The following SCAF8 variants were observed in gnomAD, a reference collection of about 807,000 sequenced individuals.
SCAF8 encodes the protein SR-related CTD associated factor 8, also known as SR-related and CTD-associated factor 8.
In SCAF8, 23 loss-of-function variants were observed where a neutral mutation model predicts 140.5. That is an observed-to-expected ratio of 0.16 (90% CI 0.12 to 0.23). The LOEUF (loss-of-function observed/expected upper bound fraction) is 0.23. SCAF8 is among the 10% of genes least tolerant of loss of function. The pLI, the probability that SCAF8 is intolerant of heterozygous loss-of-function variation, is 1.00. For missense variants in SCAF8, 1,397 were observed against 1,555.7 expected, an observed-to-expected ratio of 0.90 and a Z score of 1.72; for synonymous variants, 575 against 528.9, an observed-to-expected ratio of 1.09 and a Z score of -1.20.
At chr6:154,750,421 C>T (rs1365014194) in intron 1 of SCAF8, among the ~76,000 whole-genome samples, 1 of 151,594 alleles carries the variant, frequency 6.6e-6, no homozygotes, top group Non-Finnish European at 1.5e-5. Flanking sequence ...AGAGGAAGAT[C>T]TTGTAGAATC....
chr6:154,791,647 T>TA (rs34590469), intron 4 of SCAF8, among the ~76,000 whole-genome samples: 35,154 of 151,812 alleles, frequency 0.23, 4,658 homozygotes, highest in East Asian at 0.64. Context: ...TTTGTTTTTT[T>TA]AAAAAATGTG....
chr6:154,795,386 A>G (rs754407401), intron 6 of SCAF8, among the ~76,000 whole-genome samples: 27 of 152,126 alleles, frequency 1.8e-4, no homozygotes, highest in Non-Finnish European at 2.4e-4. Flanking sequence ...AGTTTTGCCA[A>G]ATATTATTAG....
chr6:154,767,529 C>T (rs1335112122), intron 1 of SCAF8, among the ~76,000 whole-genome samples: 30 of 91,018 alleles, frequency 3.3e-4, no homozygotes, highest in African/African-American at 1.1e-3. Flanking sequence ...CTTCTGTTAT[C>T]TTTTTTTTTT....
intron 1 of SCAF8, among the ~76,000 whole-genome samples, chr6:154,757,484 T>C (rs1171060552): frequency 1.3e-5 from 2 of 152,250 alleles, no homozygotes; most frequent in Non-Finnish European, 2.9e-5. Context: ...GTGAGAAAGC[T>C]GGATAAACTG....
At chr6:154,813,353 C>T (rs1778151970) in intron 12 of SCAF8, among the ~76,000 whole-genome samples, 1 of 152,126 alleles carries the variant, frequency 6.6e-6, no homozygotes, top group South Asian at 2.1e-4. Flanking sequence ...AAAACCATGT[C>T]TGTACTAAAA....
intron 3 of SCAF8, among the ~76,000 whole-genome samples, chr6:154,778,860 A>G (rs1776995857): frequency 6.6e-6 from 1 of 151,990 alleles, no homozygotes; most frequent in Admixed American, 6.6e-5. Flanking sequence ...TGAAGCTAAG[A>G]TAAAGGGTTG....
Position 154,833,397 on chromosome 6 carries a change from C to A in SCAF8, c.*2C>A. On this transcript the variant is annotated 3_prime_UTR_variant, in exon 20 of 20. Transcript: ENST00000367178. The stretch of plus-strand genomic sequence containing the variant: ...AGCACAGAAACTGAGGGGACATAAT[C>A]ATCACTCAGTAGGTAAAAGATACCT... 6.2e-7 allele frequency: 1 copy of A among 1,610,672 alleles called. No homozygotes were observed. Among genetic ancestry groups the A allele is most frequent in the South Asian group, 1.1e-5 (1 of 90,422 alleles).
At chr6:154,827,928 C>T (rs896643243) in intron 18 of SCAF8, among the ~76,000 whole-genome samples, 20 of 151,984 alleles carry the variant, frequency 1.3e-4, no homozygotes, top group Admixed American at 5.2e-4. Flanking sequence ...CCCATAAGCC[C>T]CCACCCACCA....
chr6:154,750,223 T>C (rs1380759143), intron 1 of SCAF8, among the ~76,000 whole-genome samples: 1 of 152,166 alleles, frequency 6.6e-6, no homozygotes, highest in Non-Finnish European at 1.5e-5. Flanking sequence ...AAGACTGTTA[T>C]GGTTACTGTT....
chr6:154,736,692 A>G (rs1432026625), intron 1 of SCAF8, among the ~76,000 whole-genome samples: 1 of 152,214 alleles, frequency 6.6e-6, no homozygotes, highest in African/African-American at 2.4e-5. Flanking sequence ...AATATTAATT[A>G]AGGATAAGGG....
intron 18 of SCAF8, among the ~76,000 whole-genome samples, chr6:154,829,994 T>C (rs1778685459): frequency 1.3e-5 from 2 of 152,220 alleles, no homozygotes. Flanking sequence ...TTAGACAAAG[T>C]GTTCAGAAGT....
intron 6 of SCAF8, among the ~76,000 whole-genome samples, chr6:154,799,633 TTAAA>T (rs1389194653): frequency 2.0e-5 from 3 of 151,422 alleles, no homozygotes; most frequent in South Asian, 2.1e-4. Flanking sequence ...TTGTTGTTTC[TTAAA>T]TAAACTACCT....
intron 1 of SCAF8, among the ~76,000 whole-genome samples, chr6:154,754,762 T>G (rs1778922096): frequency 6.6e-6 from 1 of 152,226 alleles, no homozygotes; most frequent in Non-Finnish European, 1.5e-5. Context: ...TTATTCTCCC[T>G]TTGTTATTTA....
chr6:154,831,215 G>T, intron 19 of SCAF8, 75 bp downstream of exon 19: 1 of 849,410 alleles, frequency 1.2e-6, no homozygotes, highest in East Asian at 2.7e-5. Context: ...GGTGGCATGC[G>T]TTTGTAACCA....
rs1562458092 is a variant in SCAF8, at chr6:154,810,174, G to A, written c.1386G>A (p.Lys462=). The A allele has an allele frequency of 3.7e-6, 6 of 1,612,790 alleles. No homozygotes were observed. The highest frequency in any genetic ancestry group is 5.1e-6 in the Non-Finnish European group (6 of 1,179,572). ...AAAGGGAGAAAGAACGACAGAAAAA[G>A]GGATTACCTCCAATTAGATCTAAAA... ...AREREKERQK[K]GLPPIRSKTL... The change falls in exon 12 of 20, where the codon AAG becomes AAA. Residue 462 remains lysine (K), a synonymous_variant. Transcript: ENST00000367178.
intron 1 of SCAF8, among the ~76,000 whole-genome samples, chr6:154,740,249 GC>G (rs1778532965): frequency 6.6e-6 from 1 of 152,184 alleles, no homozygotes; most frequent in South Asian, 2.1e-4. Flanking sequence ...ATACTTGTTT[GC>G]TTGGGGAGCA....
chr6:154,805,441 A>G lies in SCAF8; in HGVS notation c.936A>G (p.Leu312=), dbSNP rs1283462983. The G allele has an allele frequency of 6.2e-7, 1 of 1,612,084 alleles. No individual in the cohort carries two copies. The highest frequency in any genetic ancestry group is 1.1e-5 in the South Asian group (1 of 90,850). The change falls in exon 9 of 20, where the codon CTA becomes CTG. Residue 312 remains leucine (L), a synonymous_variant. Coordinates refer to ENST00000367178, the MANE Select transcript of SCAF8 (RefSeq NM_014892.5). ...CAGAACAACTACAACAGCAAAACCTAGAACATCTCAGACAGCAGCTCTTGG... is the reference window on the plus strand; with the variant it reads ...CAGAACAACTACAACAGCAAAACCTGGAACATCTCAGACAGCAGCTCTTGG... ...QIAEQLQQQN[L]EHLRQQLLEQ...
chr6:154,805,271 T>C, intron 8 of SCAF8, 98 bp from the exon 9 acceptor site: 1 of 655,178 alleles, frequency 1.5e-6, no homozygotes, highest in Non-Finnish European at 2.7e-6. Context: ...AGAATATGTT[T>C]TATTGAATTG....
At chr6:154,805,334 T>G (rs1223845396) in intron 8 of SCAF8, 35 bp from the exon 9 acceptor site, 2 of 1,277,420 alleles carry the variant, frequency 1.6e-6, no homozygotes, top group East Asian at 4.6e-5. Flanking sequence ...CTTTAGTGGG[T>G]TTTAAAATAT....
Sources: allele counts gnomAD v4.1 joint callset (sites outside exome capture counted in the v4.1 genomes callset), GRCh38; gene constraint gnomAD v4.1.1; transcripts MANE v1.5; gene names NCBI Gene and HGNC (gene_info 2026-07-23, HGNC 2026-07-21).